Variants in TLN2 observed in about 807,000 individuals in gnomAD.
TLN2 encodes the protein talin 2.
Under a neutral mutation model 294.7 loss-of-function variants are expected in TLN2, and 118 were observed. The ratio of observed to expected loss-of-function variants is 0.40; its 90% confidence interval spans 0.34 to 0.47. The LOEUF (loss-of-function observed/expected upper bound fraction) is 0.47. Ranked by LOEUF, TLN2 falls within the 20% of genes least tolerant of loss-of-function variation. TLN2 has a pLI of 0.84. For missense variants in TLN2, 3,083 were observed against 3,282.2 expected (o/e 0.94, Z 1.48); for synonymous variants, 1,431 against 1,304.5 (o/e 1.10, Z -2.09).
Position 62,522,873 on chromosome 15 carries a change from A to G in TLN2, c.-237-66814A>G, listed in dbSNP as rs1348494179. On this transcript the variant is annotated intron_variant, in intron 1 of 58. Transcript: ENST00000636159. Reference sequence around the variant, plus strand: ...GACAAAGATTCACTCACCCACTGGGATGTGAGAGAATGTTACAGAGGATTT... The same window carrying G: ...GACAAAGATTCACTCACCCACTGGGGTGTGAGAGAATGTTACAGAGGATTT... Among the ~76,000 whole-genome samples the G allele has an allele frequency of 3.3e-5, 5 of 150,322 alleles. No individual in the cohort carries two copies. The South Asian group carries it at 1.1e-3, about 33-fold the overall frequency.
At chr15:62,433,911 C>A (rs1038233541) in intron 1 of TLN2, among the ~76,000 whole-genome samples, 1 of 152,020 alleles carries the variant, frequency 6.6e-6, no homozygotes, top group Admixed American at 6.5e-5. Context: ...ATCACTTGAA[C>A]CCAGGAGGCA....
intron 3 of TLN2, among the ~76,000 whole-genome samples, chr15:62,642,026 T>G (rs1258372304): frequency 1.3e-5 from 2 of 152,248 alleles, no homozygotes; most frequent in African/African-American, 4.8e-5. Flanking sequence ...AAAGTATATT[T>G]TAACAGGACA....
intron 2 of TLN2, among the ~76,000 whole-genome samples, chr15:62,590,542 C>T (rs917533244): frequency 2.0e-5 from 3 of 152,106 alleles, no homozygotes; most frequent in African/African-American, 4.8e-5. Context: ...GTATATGTAC[C>T]ACATTTTCTT....
chr15:62,667,776 C>A lies in TLN2; in HGVS notation c.789-6051C>A, dbSNP rs78141721. On this transcript the variant is annotated intron_variant, in intron 9 of 58. Coordinates refer to ENST00000636159, the MANE Select transcript of TLN2 (RefSeq NM_015059.3). ...GTCAGACTAGGAAACATCTTTGGAA[C>A]TTCTCTTTTGGAATTACTTGTAGAG... Among the ~76,000 whole-genome samples the A allele has an allele frequency of 2.0e-5, 3 of 152,290 alleles. No homozygotes were observed. In the East Asian group the frequency reaches 5.8e-4, roughly 29 times the overall value.
intron 32 of TLN2, among the ~76,000 whole-genome samples, chr15:62,748,000 A>G (rs537341955): frequency 6.6e-6 from 1 of 152,066 alleles, no homozygotes; most frequent in Non-Finnish European, 1.5e-5. Context: ...GAGGTGGAAG[A>G]GGTGGAAGGG....
chr15:62,589,683 T>A lies in TLN2; in HGVS notation c.-237-4T>A, dbSNP rs931686004. 2 of 152,216 alleles carry A rather than the reference T, an allele frequency of 1.3e-5. No homozygotes were observed. The highest frequency in any genetic ancestry group is 4.8e-5 in the African/African-American group (2 of 41,456). 9.4% of individuals were successfully genotyped at this position (152,216 alleles called of 1,614,324 possible). A position where few individuals can be genotyped will look rare whatever the true frequency, so the allele number is the denominator to read the frequency against. On this transcript the variant is annotated splice_region_variant and splice_polypyrimidine_tract_variant and intron_variant, in intron 1 of 58. Coordinates refer to ENST00000636159, the MANE Select transcript of TLN2 (RefSeq NM_015059.3). ...GATTCTGATGATTGTTATTATGATT[T>A]TAGGTGCTGCAGGAGGCTTCTCACA... is the stretch of plus-strand genomic sequence containing the variant.
chr15:62,747,993 G>T (rs1397507386), intron 32 of TLN2, among the ~76,000 whole-genome samples: 1 of 152,130 alleles, frequency 6.6e-6, no homozygotes, highest in African/African-American at 2.4e-5. Context: ...GGTGGCAGAG[G>T]TGGAAGAGGT....
chr15:62,566,914 T>TA (rs1269101455), intron 1 of TLN2, among the ~76,000 whole-genome samples: 1 of 152,092 alleles, frequency 6.6e-6, no homozygotes, highest in African/African-American at 2.4e-5. Flanking sequence ...TTATTTCTTA[T>TA]AGAAAATATA....
chr15:62,422,515 T>G (rs115460148), intron 1 of TLN2, among the ~76,000 whole-genome samples: 2 of 152,172 alleles, frequency 1.3e-5, no homozygotes, highest in South Asian at 2.1e-4. Flanking sequence ...CTACCCAAAT[T>G]ATCTGAGCAT....
chr15:62,582,283 A>G (rs2045191474), intron 1 of TLN2, among the ~76,000 whole-genome samples: 1 of 141,260 alleles, frequency 7.1e-6, no homozygotes, highest in African/African-American at 2.7e-5. Context: ...CTGCTGCTGT[A>G]CCCCAGTTTT....
chr15:62,580,376 T>TA (rs1173081848), intron 1 of TLN2, among the ~76,000 whole-genome samples: 5 of 149,730 alleles, frequency 3.3e-5, no homozygotes, highest in African/African-American at 1.2e-4. Flanking sequence ...TAGTTTACCT[T>TA]AGAGTTTCTC....
Position 62,548,126 on chromosome 15 carries a change from CAAG to C in TLN2, c.-237-41558_-237-41556del, listed in dbSNP as rs143669865. 6.2e-3 allele frequency among the ~76,000 whole-genome samples: 946 copies of C among 152,184 alleles called. 19 individuals carry two copies. The highest frequency in any genetic ancestry group is 0.045 in the Admixed American group (680 of 15,274). On this transcript the variant is annotated intron_variant, in intron 1 of 58. Transcript: ENST00000636159. ...ATGACAACTAATATCGATAATGAGA[CAAG>C]AAAATTATGGTCCTGGATGTCTGCC...
At chr15:62,748,986 C>T (rs1438553070) in intron 33 of TLN2, among the ~76,000 whole-genome samples, 1 of 152,228 alleles carries the variant, frequency 6.6e-6, no homozygotes, top group African/African-American at 2.4e-5. Flanking sequence ...GGGTGCTTTT[C>T]ATTTTATATT....
At chr15:62,761,421 C>T (rs1316332089) in intron 37 of TLN2, among the ~76,000 whole-genome samples, 1 of 152,170 alleles carries the variant, frequency 6.6e-6, no homozygotes, top group African/African-American at 2.4e-5. Flanking sequence ...ATCTGTGTCT[C>T]TGCTTCCTGG....
At chr15:62,760,209 C>T (rs1369851691) in intron 37 of TLN2, among the ~76,000 whole-genome samples, 1 of 152,154 alleles carries the variant, frequency 6.6e-6, no homozygotes. Context: ...AAGCCAGGTA[C>T]TATATTAGCA....
At chr15:62,749,876 T>C (rs2061828871) in intron 33 of TLN2, among the ~76,000 whole-genome samples, 1 of 152,206 alleles carries the variant, frequency 6.6e-6, no homozygotes, top group South Asian at 2.1e-4. Flanking sequence ...AGAAACGTTT[T>C]CTATACTGTT....
intron 1 of TLN2, among the ~76,000 whole-genome samples, chr15:62,416,294 C>T (rs2034079932): frequency 6.6e-6 from 1 of 152,172 alleles, no homozygotes; most frequent in Non-Finnish European, 1.5e-5. Flanking sequence ...AAGACTCTAT[C>T]TCAAACAATA....
At chr15:62,839,052 T>C (rs143784975) in intron 58 of TLN2, 71 bp downstream of exon 58, 37 of 1,550,670 alleles carry the variant, frequency 2.4e-5, no homozygotes, top group Non-Finnish European at 1.3e-5. Context: ...GACAAAAGAA[T>C]AGTGACTTCA....
intron 11 of TLN2, among the ~76,000 whole-genome samples, chr15:62,683,421 A>G (rs918559308): frequency 4.7e-5 from 7 of 150,004 alleles, no homozygotes; most frequent in African/African-American, 1.7e-4. Context: ...CATTGGTAGA[A>G]TGCCTGCATT....
Sources: gnomAD v4.1 joint callset for allele counts (sites outside exome capture counted in the v4.1 genomes callset) on GRCh38, gnomAD v4.1.1 for gene constraint, MANE v1.5 for transcripts, NCBI Gene and HGNC (gene_info 2026-07-23, HGNC 2026-07-21) for gene names.